Variants in ALMS1 observed in about 807,000 individuals in gnomAD.
ALMS1 encodes ALMS1 centrosome and basal body associated protein, also known as centrosome-associated protein ALMS1.
ALMS1 carries 271 observed loss-of-function variants against 352.2 expected under a neutral mutation model. That is an observed-to-expected ratio of 0.77 (90% CI 0.70 to 0.85). The LOEUF is 0.85. Among genes scored for constraint, ALMS1 ranks in the 40% least tolerant of loss-of-function variants. The pLI is 0.00. For missense variants in ALMS1, 5,445 were observed against 4,870.7 expected, an observed-to-expected ratio of 1.12 and a Z score of -3.51; for synonymous variants, 1,865 against 1,761.2, an observed-to-expected ratio of 1.06 and a Z score of -1.48.
intron 16 of ALMS1, among the ~76,000 whole-genome samples, chr2:73,586,155 T>C (rs1675307024): frequency 1.3e-5 from 2 of 152,230 alleles, no homozygotes; most frequent in African/African-American, 4.8e-5. Context: ...TTGAGTTCCT[T>C]GTAGATTCTG....
In ALMS1 at chr2:73,602,831, A is replaced by G. The variant is rs1481470129; in HGVS notation, c.12299-410A>G. Among the ~76,000 whole-genome samples, 5 of 152,232 alleles carry G rather than the reference A, an allele frequency of 3.3e-5. No homozygotes were observed. The East Asian group carries it at 9.6e-4, about 29-fold the overall frequency. On this transcript the variant is annotated intron_variant, in intron 20 of 22. Transcript: ENST00000613296. The stretch of plus-strand genomic sequence containing the variant: ...AGAAAACTGAATCAAAGGGAGATTA[A>G]GTACCTCTCCCAAGATGACATACCT...
intron 15 of ALMS1, among the ~76,000 whole-genome samples, chr2:73,562,726 A>G (rs1674691001): frequency 6.6e-6 from 1 of 152,020 alleles, no homozygotes; most frequent in Admixed American, 6.6e-5. Context: ...CATATCTATT[A>G]AAAATACAAA....
intron 1 of ALMS1, among the ~76,000 whole-genome samples, chr2:73,403,313 G>A (rs1255676133): frequency 6.6e-6 from 1 of 151,958 alleles, no homozygotes; most frequent in African/African-American, 2.4e-5. Context: ...TGTCTTCTTG[G>A]TGCCCTTGTC....
At chr2:73,402,034 ATGTGTG>A (rs138240384) in intron 1 of ALMS1, among the ~76,000 whole-genome samples, 84 of 131,676 alleles carry the variant, frequency 6.4e-4, no homozygotes, top group Non-Finnish European at 1.6e-4. Flanking sequence ...TGTGTGTGTT[ATGTGTG>A]TGTGTGTGTG....
intron 12 of ALMS1, among the ~76,000 whole-genome samples, chr2:73,545,590 T>C (rs1410322079): frequency 6.6e-6 from 1 of 152,198 alleles, no homozygotes; most frequent in Non-Finnish European, 1.5e-5. Flanking sequence ...CAGGGTTGAG[T>C]ATACGAAATT....
chr2:73,385,827 CCCCT>C (rs1279180469), upstream of ALMS1: 17 of 689,778 alleles, frequency 2.5e-5, no homozygotes, highest in Non-Finnish European at 2.9e-5. Context: ...CCTCCCTCCC[CCCCT>C]CCTCCTCCTC....
intron 2 of ALMS1, among the ~76,000 whole-genome samples, chr2:73,411,469 CATATTTCTAAATAAT>C (rs1454404249): frequency 6.6e-6 from 1 of 152,106 alleles, no homozygotes; most frequent in African/African-American, 2.4e-5. Flanking sequence ...AATACCGGGT[CATATTTCTAAATAAT>C]ATTCTCTGAG....
intron 11 of ALMS1, among the ~76,000 whole-genome samples, chr2:73,534,451 T>A (rs1673984971): frequency 6.6e-6 from 1 of 152,162 alleles, no homozygotes; most frequent in African/African-American, 2.4e-5. Context: ...GTCATCTATA[T>A]ATGGAATGGA....
At chr2:73,554,934 C>G (rs547681134) in intron 13 of ALMS1, among the ~76,000 whole-genome samples, 1 of 151,932 alleles carries the variant, frequency 6.6e-6, no homozygotes, top group Non-Finnish European at 1.5e-5. Context: ...GTAAGATAAA[C>G]AATACGGTAC....
rs1558624571 is a variant in ALMS1 at position 73,385,931 on chromosome 2, G to GGAGGAGGAA, written c.71_72insAGAGGAGGA (p.Glu26_Glu28dup). 2.8e-6 allele frequency: 3 copies of GGAGGAGGAA among 1,084,288 alleles called. No homozygotes were observed. The highest frequency in any genetic ancestry group is 2.0e-5 in the Admixed American group (1 of 49,986). 67.2% of individuals were successfully genotyped at this position (1,084,288 alleles called of 1,614,324 possible). On this transcript the variant is annotated inframe_insertion, in exon 1 of 23. Coordinates refer to ENST00000613296, the MANE Select transcript of ALMS1 (RefSeq NM_001378454.1). ...AGGAGGAGGAGGAGGAGGAGGAGGA[G>GGAGGAGGAA]GAGGAGGAGGAAGAGGAGGAGGCTG...
At chr2:73,523,521 C>T (rs1673727157) in intron 11 of ALMS1, among the ~76,000 whole-genome samples, 1 of 152,176 alleles carries the variant, frequency 6.6e-6, no homozygotes, top group Non-Finnish European at 1.5e-5. Context: ...AATCCCAGCA[C>T]TTTGGGAGGC....
At chr2:73,534,722 A>G in intron 11 of ALMS1, 102 bp from the exon 12 acceptor site, 1 of 1,323,290 alleles carries the variant, frequency 7.6e-7, no homozygotes, top group Non-Finnish European at 1.1e-6. Flanking sequence ...CATAAATTCC[A>G]AAAGTCATGA....
At chr2:73,500,296 A>T (rs1227941856) in intron 10 of ALMS1, among the ~76,000 whole-genome samples, 1 of 152,180 alleles carries the variant, frequency 6.6e-6, no homozygotes. Flanking sequence ...CAGTTTTCAA[A>T]GATTTTGCAG....
intron 11 of ALMS1, among the ~76,000 whole-genome samples, chr2:73,528,158 G>C (rs893154012): frequency 2.0e-5 from 3 of 151,962 alleles, no homozygotes; most frequent in African/African-American, 7.2e-5. Context: ...CACTTGTTTT[G>C]TGGCCTAAAA....
rs1177908281 is a variant in ALMS1, at chr2:73,490,760, A to G, written c.8801A>G (p.Lys2934Arg). 3 of 1,614,024 alleles carry G rather than the reference A, an allele frequency of 1.9e-6. No homozygotes were observed. Among genetic ancestry groups the G allele is most frequent in the African/African-American group, 2.7e-5 (2 of 74,922 alleles). ...CAACGAGAACTCTTTGAACAGTGCAAAGCCCCATATGTAGATCATCAAATG... is the reference window on the plus strand; with the variant it reads ...CAACGAGAACTCTTTGAACAGTGCAGAGCCCCATATGTAGATCATCAAATG... ...LEQRELFEQC[K>R]APYVDHQMRE... is the part of the protein sequence containing the mutation. Residue 2934 changes from lysine to arginine, a missense_variant, in exon 10 of 23, where the codon AAA becomes AGA. Coordinates refer to ENST00000613296, the MANE Select transcript of ALMS1 (RefSeq NM_001378454.1).
intron 7 of ALMS1, among the ~76,000 whole-genome samples, chr2:73,440,554 G>C (rs576556832): frequency 2.0e-5 from 3 of 151,792 alleles, no homozygotes; most frequent in Admixed American, 1.3e-4. Context: ...CTCCTGAGTA[G>C]CTGGAATCAT....
At chr2:73,476,784 G>A (rs1672591998) in intron 9 of ALMS1, among the ~76,000 whole-genome samples, 1 of 151,934 alleles carries the variant, frequency 6.6e-6, no homozygotes, top group African/African-American at 2.4e-5. Context: ...TTCCTGAGTT[G>A]TAAGTGTCCT....
chr2:73,551,560 G>A (rs901429568), intron 13 of ALMS1, among the ~76,000 whole-genome samples: 2 of 148,620 alleles, frequency 1.3e-5, no homozygotes, highest in Admixed American at 6.8e-5. Context: ...CCTCAGCCTC[G>A]AGTAGCTGGG....
At chr2:73,586,011 C>A (rs187953428) in intron 16 of ALMS1, among the ~76,000 whole-genome samples, 1 of 152,136 alleles carries the variant, frequency 6.6e-6, no homozygotes, top group Non-Finnish European at 1.5e-5. Flanking sequence ...CCACCTGCCT[C>A]GGCCTCCCAA....
Sources: gnomAD v4.1 joint callset for allele counts (sites outside exome capture counted in the v4.1 genomes callset) on GRCh38, gnomAD v4.1.1 for gene constraint, MANE v1.5 for transcripts, NCBI Gene and HGNC (gene_info 2026-07-23, HGNC 2026-07-21) for gene names.